DPP6: variants seen among roughly 807,000 people sequenced by gnomAD.
The protein encoded by DPP6 is A-type potassium channel modulatory protein DPP6.
DPP6 carries 69 observed loss-of-function variants against 122.6 expected under a neutral mutation model. The observed-to-expected ratio is 0.56, with a 90% CI of 0.46 to 0.69. DPP6 has a LOEUF of 0.69. DPP6 is among the 30% of genes least tolerant of loss of function. The pLI, the probability that DPP6 is intolerant of heterozygous loss-of-function variation, is 0.00. For synonymous variants in DPP6, 418 were observed against 433.1 expected, an observed-to-expected ratio of 0.97 and a Z score of 0.43; for missense variants, 928 against 1,116.9, an observed-to-expected ratio of 0.83 and a Z score of 2.41.
At chr7:154,725,951 C>G (rs1842044839) in intron 7 of DPP6, among the ~76,000 whole-genome samples, 1 of 152,188 alleles carries the variant, frequency 6.6e-6, no homozygotes, top group Non-Finnish European at 1.5e-5. Context: ...AGTCTGAAAC[C>G]CAGCAGGGCA....
At chr7:153,813,016 AT>A in the DPP6 span, among the ~76,000 whole-genome samples, 94 of 151,820 alleles carry the variant, frequency 6.2e-4, 2 homozygotes, top group Admixed American at 3.9e-3. Context: ...TGGTGAGGAA[AT>A]TTTTTTTTAT....
intron 1 of DPP6, among the ~76,000 whole-genome samples, chr7:153,946,911 C>T (rs1457107203): frequency 6.6e-6 from 1 of 152,086 alleles, no homozygotes; most frequent in East Asian, 1.9e-4. Context: ...TTTAACTTTT[C>T]CCGACATAAA....
chr7:153,872,026 T>A, the DPP6 span, among the ~76,000 whole-genome samples: 3 of 152,216 alleles, frequency 2.0e-5, no homozygotes, highest in African/African-American at 7.2e-5. Context: ...TTAACAGTAC[T>A]AATATTCTTC....
At chr7:154,226,302 G>A (rs77877988) in intron 1 of DPP6, among the ~76,000 whole-genome samples, 2 of 146,882 alleles carry the variant, frequency 1.4e-5, no homozygotes, top group East Asian at 3.9e-4. Context: ...GGTTCGATCT[G>A]GACAATTTTT....
intron 1 of DPP6, among the ~76,000 whole-genome samples, chr7:154,365,741 C>A (rs1410211203): frequency 6.6e-6 from 1 of 151,818 alleles, no homozygotes; most frequent in Non-Finnish European, 1.5e-5. Context: ...ATCACAAGGT[C>A]AGGAGATCGA....
Position 154,639,724 on chromosome 7 carries a change from T to C in DPP6, c.680+1851T>C, listed in dbSNP as rs529846942. 2.6e-5 allele frequency among the ~76,000 whole-genome samples: 4 copies of C among 152,304 alleles called. No homozygotes were observed. The South Asian group carries it at 8.3e-4, about 32-fold the overall frequency. ...CCTGGAGCCTGGTGATGATCTGCCT[T>C]ATAGATGACCCCAACACGGAGGGAG... On this transcript the variant is annotated intron_variant, in intron 6 of 25. Coordinates refer to ENST00000377770, the MANE Select transcript of DPP6 (RefSeq NM_130797.4).
At chr7:153,903,081 C>T (rs1306960716) in intron 1 of DPP6, among the ~76,000 whole-genome samples, 1 of 152,174 alleles carries the variant, frequency 6.6e-6, no homozygotes, top group Non-Finnish European at 1.5e-5. Context: ...GAGATGTTGA[C>T]ACAATTTAGC....
intron 1 of DPP6, among the ~76,000 whole-genome samples, chr7:154,119,569 C>A (rs1206197627): frequency 2.0e-5 from 3 of 149,852 alleles, no homozygotes; most frequent in Non-Finnish European, 4.5e-5. Context: ...TGTTGACTCG[C>A]CACCTTGAAG....
intron 1 of DPP6, among the ~76,000 whole-genome samples, chr7:154,123,891 A>G (rs7802218): frequency 0.84 from 126,178 of 150,544 alleles, 53,343 homozygotes; most frequent in African/African-American, 0.94. Flanking sequence ...CAGATGTGCC[A>G]CCCGCTCACT....
chr7:154,108,137 T>C (rs1806305529), intron 1 of DPP6, among the ~76,000 whole-genome samples: 1 of 152,186 alleles, frequency 6.6e-6, no homozygotes, highest in Non-Finnish European at 1.5e-5. Context: ...GGCAGATTCA[T>C]GGCGCCAAAG....
intron 1 of DPP6, among the ~76,000 whole-genome samples, chr7:154,337,014 C>T (rs572555590): frequency 1.4e-4 from 21 of 152,264 alleles, no homozygotes; most frequent in South Asian, 8.3e-4. Flanking sequence ...ATCCGGGGCC[C>T]GAGCAGCTAG....
chr7:154,323,072 A>G (rs1585936712), intron 1 of DPP6, among the ~76,000 whole-genome samples: 1 of 152,182 alleles, frequency 6.6e-6, no homozygotes, highest in South Asian at 2.1e-4. Flanking sequence ...TTCAAAAAAA[A>G]AAATAAATGG....
intron 1 of DPP6, among the ~76,000 whole-genome samples, chr7:154,209,702 C>T (rs941432134): frequency 2.0e-5 from 3 of 152,104 alleles, no homozygotes; most frequent in Non-Finnish European, 2.9e-5. Flanking sequence ...ACAGTGAGTT[C>T]GGAAATTGCT....
chr7:154,231,462 G>T (rs1455783495), intron 1 of DPP6, among the ~76,000 whole-genome samples: 1 of 152,272 alleles, frequency 6.6e-6, no homozygotes, highest in East Asian at 1.9e-4. Flanking sequence ...TTAGAACCAC[G>T]ATGTAAGTGT....
At chr7:154,697,822 T>C (rs1301814653) in intron 7 of DPP6, among the ~76,000 whole-genome samples, 2 of 152,196 alleles carry the variant, frequency 1.3e-5, no homozygotes, top group East Asian at 3.9e-4. Flanking sequence ...TGCGCGGCTC[T>C]GTCTGTACAC....
intron 3 of DPP6, among the ~76,000 whole-genome samples, chr7:154,531,644 C>A (rs74408709): frequency 0.013 from 1,975 of 152,048 alleles, 49 homozygotes; most frequent in African/African-American, 0.045. Flanking sequence ...ACATTTTTTT[C>A]TTTTTGACTT....
At chr7:154,498,489 C>T (rs1243685616) in intron 3 of DPP6, among the ~76,000 whole-genome samples, 1 of 152,132 alleles carries the variant, frequency 6.6e-6, no homozygotes, top group Non-Finnish European at 1.5e-5. Flanking sequence ...AGGCACATGC[C>T]ACCACACCTG....
intron 2 of DPP6, among the ~76,000 whole-genome samples, chr7:154,449,699 C>T (rs889350964): frequency 1.3e-5 from 2 of 152,066 alleles, no homozygotes; most frequent in African/African-American, 4.8e-5. Context: ...ATCTATTTCC[C>T]AGAGAATGGA....
chr7:154,701,876 A>G (rs552310186), intron 7 of DPP6, among the ~76,000 whole-genome samples: 5 of 152,218 alleles, frequency 3.3e-5, no homozygotes, highest in Non-Finnish European at 7.3e-5. Flanking sequence ...CACCTTATAC[A>G]AATGCAGGCA....
Sources: gnomAD v4.1 joint callset for allele counts (sites outside exome capture counted in the v4.1 genomes callset) on GRCh38, gnomAD v4.1.1 for gene constraint, MANE v1.5 for transcripts, NCBI Gene and HGNC (gene_info 2026-07-23, HGNC 2026-07-21) for gene names.